PBX3: variants seen among roughly 807,000 people sequenced by gnomAD.
The protein encoded by PBX3 is pre-B-cell leukemia transcription factor 3.
Under a neutral mutation model 48.5 loss-of-function variants are expected in PBX3, and 14 were observed. That is an observed-to-expected ratio of 0.29 (90% CI 0.19 to 0.45). The LOEUF is 0.45. Ranked by LOEUF, PBX3 falls within the 20% of genes least tolerant of loss-of-function variation. PBX3 has a pLI of 1.00. For missense variants in PBX3, 386 were observed against 546.7 expected (o/e 0.71, Z 2.93); for synonymous variants, 210 against 200.3 (o/e 1.05, Z -0.41).
chr9:125,955,707 T>C (rs1371621854), intron 5 of PBX3, among the ~76,000 whole-genome samples: 3 of 152,208 alleles, frequency 2.0e-5, no homozygotes, highest in Non-Finnish European at 4.4e-5. Context: ...CCTCCTCTGA[T>C]TTCTCAGACC....
intron 2 of PBX3, among the ~76,000 whole-genome samples, chr9:125,828,965 C>T (rs768187706): frequency 8.5e-5 from 13 of 152,108 alleles, no homozygotes; most frequent in Non-Finnish European, 1.3e-4. Context: ...AACCACATGG[C>T]GAGAATGTAG....
chr9:125,800,827 C>T (rs1837921512), intron 2 of PBX3, among the ~76,000 whole-genome samples: 1 of 149,270 alleles, frequency 6.7e-6, no homozygotes, highest in African/African-American at 2.5e-5. Flanking sequence ...GACCTCGGCT[C>T]ACTGAAACCT....
intron 2 of PBX3, among the ~76,000 whole-genome samples, chr9:125,870,132 G>T (rs1200224918): frequency 4.0e-5 from 6 of 149,796 alleles, no homozygotes; most frequent in African/African-American, 7.3e-5. Context: ...ACAGTAGCAC[G>T]ATCTCAGCTC....
chr9:125,808,020 G>T (rs921473739), intron 2 of PBX3, among the ~76,000 whole-genome samples: 1 of 152,198 alleles, frequency 6.6e-6, no homozygotes, highest in African/African-American at 2.4e-5. Flanking sequence ...TAGATAAACA[G>T]ATAGATTGGA....
chr9:125,825,485 CT>C (rs781544459), intron 2 of PBX3, among the ~76,000 whole-genome samples: 6,097 of 140,756 alleles, frequency 0.043, 377 homozygotes, highest in African/African-American at 0.14. Context: ...TATTGTTTTA[CT>C]TTTTTTTTTT....
intron 2 of PBX3, among the ~76,000 whole-genome samples, chr9:125,896,380 A>G (rs1285242160): frequency 1.3e-5 from 2 of 152,022 alleles, no homozygotes; most frequent in African/African-American, 4.8e-5. Flanking sequence ...CAGCAGCCCA[A>G]TTATGTTGCC....
chr9:125,836,438 C>G (rs908271720), intron 2 of PBX3, among the ~76,000 whole-genome samples: 4 of 151,682 alleles, frequency 2.6e-5, no homozygotes, highest in African/African-American at 9.7e-5. Context: ...GAGCGAGACT[C>G]TGTCTCAAAA....
chr9:125,841,624 A>G (rs960674443), intron 2 of PBX3, among the ~76,000 whole-genome samples: 2 of 152,210 alleles, frequency 1.3e-5, no homozygotes, highest in Non-Finnish European at 2.9e-5. Context: ...TCTCTGGAGT[A>G]TAGCTCTGCT....
At position 125,934,527 on chromosome 9, in the gene PBX3, G is replaced by C. The variant is rs189821004; in HGVS notation, c.708-945G>C. ...AAACCCAAATATAAATGACATTTTT[G>C]CTACTTGAAATATGTTGTTAATAAA... On this transcript the variant is annotated intron_variant, in intron 4 of 8. Coordinates refer to ENST00000373489, the MANE Select transcript of PBX3 (RefSeq NM_006195.6). 7.4e-4 allele frequency among the ~76,000 whole-genome samples: 113 copies of C among 152,164 alleles called. 1 individual carries two copies. Among genetic ancestry groups the C allele is most frequent in the Admixed American group, 7.0e-3 (107 of 15,278 alleles).
chr9:125,750,284 T>C (rs1478164456), intron 2 of PBX3, among the ~76,000 whole-genome samples: 3 of 152,234 alleles, frequency 2.0e-5, no homozygotes, highest in Non-Finnish European at 4.4e-5. Flanking sequence ...TGGATACTTA[T>C]CGCTTCTCAT....
chr9:125,871,208 C>T (rs1840114710), intron 2 of PBX3, among the ~76,000 whole-genome samples: 2 of 151,948 alleles, frequency 1.3e-5, no homozygotes, highest in Non-Finnish European at 2.9e-5. Flanking sequence ...ACCAGCCTGG[C>T]CAACATAGTG....
At chr9:125,779,220 T>G (rs34243001) in intron 2 of PBX3, among the ~76,000 whole-genome samples, 2 of 141,950 alleles carry the variant, frequency 1.4e-5, no homozygotes, top group South Asian at 4.6e-4. Flanking sequence ...TCATCTCTGT[T>G]GTCATGTGTG....
chr9:125,843,546 ATTATCT>A (rs1345122297), intron 2 of PBX3, among the ~76,000 whole-genome samples: 5 of 152,140 alleles, frequency 3.3e-5, no homozygotes, highest in African/African-American at 1.2e-4. Context: ...CTGGATGCAC[ATTATCT>A]TTATCTTTAT....
intron 1 of PBX3, among the ~76,000 whole-genome samples, chr9:125,748,015 C>T (rs1269291346): frequency 1.3e-5 from 2 of 151,704 alleles, no homozygotes; most frequent in Non-Finnish European, 2.9e-5. Flanking sequence ...CGGGGAGTCC[C>T]GGCGCCGGCT....
At chr9:125,887,782 A>G (rs565874017) in intron 2 of PBX3, among the ~76,000 whole-genome samples, 3 of 152,314 alleles carry the variant, frequency 2.0e-5, no homozygotes, top group Non-Finnish European at 4.4e-5. Flanking sequence ...TTTAGTTGTT[A>G]TTAGAAAGTA....
intron 2 of PBX3, among the ~76,000 whole-genome samples, chr9:125,849,157 CCTT>C (rs1447825291): frequency 6.6e-6 from 1 of 151,916 alleles, no homozygotes; most frequent in African/African-American, 2.4e-5. Flanking sequence ...AAACACAAGT[CCTT>C]CTGATTCCAA....
At chr9:125,748,661 CG>C in intron 2 of PBX3, 38 bp downstream of exon 2, 3 of 1,550,382 alleles carry the variant, frequency 1.9e-6, no homozygotes, top group Non-Finnish European at 2.7e-6. Context: ...TGGAGACCCC[CG>C]AGGTGGGGGT....
At chr9:125,867,509 G>A (rs1026418331) in intron 2 of PBX3, among the ~76,000 whole-genome samples, 4 of 151,676 alleles carry the variant, frequency 2.6e-5, no homozygotes, top group South Asian at 2.1e-4. Context: ...GCATGGAGGT[G>A]CGCACCTGTA....
chr9:125,816,039 A>C (rs985387973), intron 2 of PBX3, among the ~76,000 whole-genome samples: 1 of 151,702 alleles, frequency 6.6e-6, no homozygotes, highest in Non-Finnish European at 1.5e-5. Context: ...GTGTCTTACT[A>C]TGTCACCTAG....
Sources: allele counts gnomAD v4.1 joint callset (sites outside exome capture counted in the v4.1 genomes callset), GRCh38; gene constraint gnomAD v4.1.1; transcripts MANE v1.5; gene names NCBI Gene and HGNC (gene_info 2026-07-23, HGNC 2026-07-21).